Variants in VRK2 observed in about 807,000 individuals in gnomAD.
VRK2 encodes VRK serine/threonine kinase 2.
Under a neutral mutation model 57.6 loss-of-function variants are expected in VRK2, and 60 were observed. The observed-to-expected ratio is 1.04, with a 90% CI of 0.85 to 1.29. VRK2 has a LOEUF of 1.29. VRK2 is among the 50% of genes most tolerant of loss of function. VRK2 has a pLI of 0.00. For missense variants in VRK2, 705 were observed against 588.1 expected (o/e 1.20, Z -2.06); for synonymous variants, 231 against 199.2 (o/e 1.16, Z -1.35).
At chr2:57,924,677 C>T (rs1316352003) in intron 1 of VRK2, among the ~76,000 whole-genome samples, 2 of 151,878 alleles carry the variant, frequency 1.3e-5, no homozygotes, top group Non-Finnish European at 2.9e-5. Flanking sequence ...CTTTCTATCC[C>T]ATTTAGATGC....
chr2:57,915,725 G>C (rs532453037), intron 1 of VRK2, among the ~76,000 whole-genome samples: 1 of 152,160 alleles, frequency 6.6e-6, no homozygotes, highest in Non-Finnish European at 1.5e-5. Flanking sequence ...TCTTACATCA[G>C]GGGTCCCCAA....
intron 12 of VRK2, among the ~76,000 whole-genome samples, chr2:58,157,328 C>T (rs1237348188): frequency 6.6e-6 from 1 of 152,140 alleles, no homozygotes; most frequent in African/African-American, 2.4e-5. Flanking sequence ...GGTTTCTTGA[C>T]AGCTGCACTG....
intron 6 of VRK2, among the ~76,000 whole-genome samples, chr2:58,089,374 A>G (rs568921186): frequency 1.2e-4 from 18 of 152,326 alleles, no homozygotes; most frequent in African/African-American, 4.3e-4. Flanking sequence ...GGAATTAGGC[A>G]TAAGCATTTT....
At chr2:58,148,703 G>T (rs1457071674) in intron 12 of VRK2, among the ~76,000 whole-genome samples, 2 of 151,684 alleles carry the variant, frequency 1.3e-5, no homozygotes, top group Non-Finnish European at 3.0e-5. Flanking sequence ...CATGTGTATT[G>T]TGTGAGGTGG....
At chr2:58,001,459 T>G (rs1331214900) in intron 1 of VRK2, among the ~76,000 whole-genome samples, 1 of 152,232 alleles carries the variant, frequency 6.6e-6, no homozygotes, top group Non-Finnish European at 1.5e-5. Flanking sequence ...AAATCTAATG[T>G]ACTTTGTTTC....
At chr2:58,149,397 C>T (rs1003191000) in intron 12 of VRK2, among the ~76,000 whole-genome samples, 1 of 151,536 alleles carries the variant, frequency 6.6e-6, no homozygotes, top group Non-Finnish European at 1.5e-5. Context: ...TGGGATCTTT[C>T]TAAATGTACT....
At chr2:58,054,525 C>G (rs1269505638) in intron 2 of VRK2, among the ~76,000 whole-genome samples, 1 of 151,934 alleles carries the variant, frequency 6.6e-6, no homozygotes, top group Non-Finnish European at 1.5e-5. Flanking sequence ...TATGGATAGA[C>G]TTCTGCTTCT....
At chr2:57,930,938 G>A (rs1670702574) in intron 1 of VRK2, among the ~76,000 whole-genome samples, 1 of 151,918 alleles carries the variant, frequency 6.6e-6, no homozygotes, top group East Asian at 1.9e-4. Flanking sequence ...CTCTTTTAAA[G>A]CTGAATAATT....
At chr2:58,133,833 A>G (rs1265359588) in intron 9 of VRK2, among the ~76,000 whole-genome samples, 2 of 152,200 alleles carry the variant, frequency 1.3e-5, no homozygotes, top group African/African-American at 2.4e-5. Context: ...AACAATGCAC[A>G]TATATACTTA....
intron 7 of VRK2, among the ~76,000 whole-genome samples, chr2:58,112,453 C>T (rs1354977512): frequency 2.0e-5 from 3 of 152,116 alleles, no homozygotes; most frequent in Non-Finnish European, 4.4e-5. Flanking sequence ...CTGTCTTTCT[C>T]TACTGAGTTA....
intron 10 of VRK2, among the ~76,000 whole-genome samples, chr2:58,137,154 GTTTA>G (rs1680374429): frequency 1.6e-4 from 1 of 6,124 alleles, no homozygotes; most frequent in African/African-American, 7.4e-4. Flanking sequence ...TATATCATGT[GTTTA>G]TATATATCAT....
At chr2:57,919,946 A>G (rs1412445975) in intron 1 of VRK2, among the ~76,000 whole-genome samples, 1 of 152,110 alleles carries the variant, frequency 6.6e-6, no homozygotes, top group East Asian at 1.9e-4. Context: ...ATTCCTCATT[A>G]ATATGCAAAA....
intron 1 of VRK2, among the ~76,000 whole-genome samples, chr2:58,003,362 CA>C (rs1673145882): frequency 1.3e-5 from 2 of 152,006 alleles, no homozygotes; most frequent in African/African-American, 2.4e-5. Flanking sequence ...CACATTGCAA[CA>C]TTTTTTTGTT....
intron 1 of VRK2, among the ~76,000 whole-genome samples, chr2:57,996,557 T>C (rs1287791778): frequency 1.3e-5 from 2 of 152,186 alleles, no homozygotes; most frequent in African/African-American, 4.8e-5. Flanking sequence ...ACTCATGTCT[T>C]GAGGAGAATA....
rs118157861 is a variant in VRK2 at position 58,004,658 on chromosome 2, C to A, written c.-438-21007C>A. The stretch of plus-strand genomic sequence containing the variant: ...TTTAATATTCCTCAATAATGGTTAA[C>A]TTTTTAAATTATGTCCTCTGCCAAA... On this transcript the variant is annotated intron_variant, in intron 1 of 15. Coordinates refer to the VRK2 transcript ENST00000417641. 9.9e-5 allele frequency among the ~76,000 whole-genome samples: 15 copies of A among 152,164 alleles called. No homozygotes were observed. In the East Asian group the frequency reaches 2.9e-3, roughly 29 times the overall value.
At chr2:57,991,714 C>T (rs1416954227) in intron 1 of VRK2, among the ~76,000 whole-genome samples, 2 of 151,592 alleles carry the variant, frequency 1.3e-5, no homozygotes, top group East Asian at 3.9e-4. Flanking sequence ...CTTTGGGAGG[C>T]CGAGGCAGGC....
intron 1 of VRK2, among the ~76,000 whole-genome samples, chr2:57,967,651 A>G (rs774289267): frequency 3.3e-5 from 5 of 152,190 alleles, no homozygotes; most frequent in Non-Finnish European, 7.3e-5. Flanking sequence ...TACTCTACCA[A>G]TGCTAAGGTT....
intron 10 of VRK2, among the ~76,000 whole-genome samples, chr2:58,136,388 A>AT (rs34101779): frequency 0.043 from 6,190 of 142,700 alleles, 388 homozygotes; most frequent in African/African-American, 0.14. Flanking sequence ...TCTTAATGGC[A>AT]TTTTTTTTTT....
At chr2:58,109,857 G>A (rs1289172140) in intron 7 of VRK2, among the ~76,000 whole-genome samples, 3 of 152,072 alleles carry the variant, frequency 2.0e-5, no homozygotes, top group African/African-American at 7.2e-5. Flanking sequence ...CTTTCTTTCT[G>A]TATGTAAATA....
Sources: allele counts gnomAD v4.1 joint callset (sites outside exome capture counted in the v4.1 genomes callset), GRCh38; gene constraint gnomAD v4.1.1; transcripts MANE v1.5; gene names NCBI Gene and HGNC (gene_info 2026-07-23, HGNC 2026-07-21).